NLGN1: variants seen among roughly 807,000 people sequenced by gnomAD.
NLGN1 encodes the protein neuroligin-1.
Under a neutral mutation model 65.5 loss-of-function variants are expected in NLGN1, and 12 were observed. The observed-to-expected ratio is 0.18, with a 90% CI of 0.12 to 0.30. The LOEUF is 0.30. Ranked by LOEUF, NLGN1 falls within the 10% of genes least tolerant of loss-of-function variation. The pLI is 1.00. For synonymous variants in NLGN1, 350 were observed against 359.5 expected (o/e 0.97, Z 0.30); for missense variants, 750 against 1,007.1 (o/e 0.74, Z 3.46).
chr3:173,451,107 A>G (rs1282837625), intron 2 of NLGN1, among the ~76,000 whole-genome samples: 1 of 152,042 alleles, frequency 6.6e-6, no homozygotes, highest in Non-Finnish European at 1.5e-5. Context: ...GCTGGTGAGG[A>G]GCTGCATTCC....
At chr3:173,554,929 CTTTTTTGTTTT>C (rs1741468419) in intron 2 of NLGN1, among the ~76,000 whole-genome samples, 1 of 152,042 alleles carries the variant, frequency 6.6e-6, no homozygotes, top group Non-Finnish European at 1.5e-5. Context: ...TATTTTTTGG[CTTTTTTGTTTT>C]AGCCCTTCTA....
rs1223350092 is a variant in NLGN1 at position 173,494,168 on chromosome 3, G to A, written c.-321+59090G>A. ...GTGTGTGCGCGTGCATGTGCGGGGAGTGGTGGTGGTGGTGTTTGGTTCTGT... is the reference window on the plus strand; with the variant it reads ...GTGTGTGCGCGTGCATGTGCGGGGAATGGTGGTGGTGGTGTTTGGTTCTGT... On this transcript the variant is annotated intron_variant, in intron 2 of 6. Transcript: ENST00000457714. Among the ~76,000 whole-genome samples, 3 of 150,354 alleles carry A rather than the reference G, an allele frequency of 2.0e-5. 1 individual carries two copies. Among genetic ancestry groups the A allele is most frequent in the African/African-American group, 7.4e-5 (3 of 40,656 alleles).
chr3:174,039,053 A>G (rs571963167), intron 4 of NLGN1, among the ~76,000 whole-genome samples: 20 of 152,264 alleles, frequency 1.3e-4, no homozygotes, highest in African/African-American at 4.1e-4. Flanking sequence ...TGAATATAAA[A>G]GCAATTCGCT....
chr3:173,665,570 A>G lies in NLGN1; in HGVS notation c.493+60479A>G, dbSNP rs187316920. Reference sequence around the variant, plus strand: ...TTTCTGCGGAAATGACAAGGTTTACATAATTGACATTGAGGAATCTCGCAT... The same window carrying G: ...TTTCTGCGGAAATGACAAGGTTTACGTAATTGACATTGAGGAATCTCGCAT... On this transcript the variant is annotated intron_variant, in intron 3 of 6. Transcript: ENST00000457714. Among the ~76,000 whole-genome samples, 20 of 152,316 alleles carry G rather than the reference A, an allele frequency of 1.3e-4. No homozygotes were observed. The East Asian group carries it at 2.7e-3, about 21-fold the overall frequency.
At chr3:174,270,107 A>T (rs1483525044) in intron 4 of NLGN1, among the ~76,000 whole-genome samples, 1 of 133,476 alleles carries the variant, frequency 7.5e-6, no homozygotes, top group African/African-American at 2.8e-5. Flanking sequence ...GTTTTCTCCC[A>T]TTCTGTTGGT....
chr3:173,661,048 T>C (rs1760852476), intron 3 of NLGN1, among the ~76,000 whole-genome samples: 1 of 152,078 alleles, frequency 6.6e-6, no homozygotes, highest in African/African-American at 2.4e-5. Flanking sequence ...TAGTGTCCAG[T>C]GAAGGGTGTG....
At chr3:173,724,974 T>C (rs540450636) in intron 3 of NLGN1, among the ~76,000 whole-genome samples, 117 of 152,058 alleles carry the variant, frequency 7.7e-4, no homozygotes, top group African/African-American at 2.5e-3. Flanking sequence ...TAGGTGGGAA[T>C]TGAACAATGA....
intron 3 of NLGN1, among the ~76,000 whole-genome samples, chr3:173,609,903 C>T (rs575691284): frequency 6.6e-6 from 1 of 151,812 alleles, no homozygotes; most frequent in South Asian, 2.1e-4. Context: ...GAGCAAAGAT[C>T]TGAAGGAGAT....
chr3:173,985,113 C>G (rs895674693), intron 4 of NLGN1, among the ~76,000 whole-genome samples: 4 of 152,204 alleles, frequency 2.6e-5, no homozygotes, highest in African/African-American at 9.7e-5. Flanking sequence ...GCTCTAGAAG[C>G]TCTGTAATCC....
intron 3 of NLGN1, among the ~76,000 whole-genome samples, chr3:173,749,541 C>T (rs963024606): frequency 3.3e-5 from 5 of 151,886 alleles, no homozygotes; most frequent in Admixed American, 6.6e-5. Context: ...TCAATCAAAC[C>T]GTAACTGTTA....
At chr3:174,115,765 A>G (rs1259349425) in intron 4 of NLGN1, among the ~76,000 whole-genome samples, 3 of 152,186 alleles carry the variant, frequency 2.0e-5, no homozygotes, top group Admixed American at 6.5e-5. Context: ...TTTGGACTAT[A>G]ATTTATCCTC....
chr3:173,800,307 A>C, intron 3 of NLGN1: 1 of 1,213,328 alleles, frequency 8.2e-7, no homozygotes, highest in Non-Finnish European at 1.1e-6. Context: ...CCTTACAAAG[A>C]AACAGACAGA....
At chr3:173,689,069 G>T (rs570659295) in intron 3 of NLGN1, among the ~76,000 whole-genome samples, 1 of 152,188 alleles carries the variant, frequency 6.6e-6, no homozygotes, top group Non-Finnish European at 1.5e-5. Context: ...CTTACTGGCT[G>T]CCTTGGTCCC....
intron 4 of NLGN1, among the ~76,000 whole-genome samples, chr3:173,969,005 A>AG (rs1715560282): frequency 6.6e-6 from 1 of 151,914 alleles, no homozygotes; most frequent in Non-Finnish European, 1.5e-5. Context: ...CCAGCCTAAA[A>AG]ACCATCTTTA....
At chr3:174,253,646 C>T (rs931200854) in intron 4 of NLGN1, among the ~76,000 whole-genome samples, 3 of 152,124 alleles carry the variant, frequency 2.0e-5, no homozygotes, top group Non-Finnish European at 4.4e-5. Flanking sequence ...AGACTTGTCA[C>T]CCGGACATGA....
chr3:173,735,441 A>C (rs1420677440), intron 3 of NLGN1, among the ~76,000 whole-genome samples: 1 of 152,174 alleles, frequency 6.6e-6, no homozygotes, highest in African/African-American at 2.4e-5. Context: ...CTCACATTTC[A>C]GACTGCTGCA....
intron 3 of NLGN1, among the ~76,000 whole-genome samples, chr3:173,638,467 A>T (rs1047858520): frequency 6.6e-6 from 1 of 151,972 alleles, no homozygotes; most frequent in Non-Finnish European, 1.5e-5. Context: ...AAAATTTAAG[A>T]TCATATTCTT....
chr3:174,033,804 A>ATTTT (rs1473212078), intron 4 of NLGN1, among the ~76,000 whole-genome samples: 307 of 152,288 alleles, frequency 2.0e-3, no homozygotes, highest in Non-Finnish European at 3.8e-3. Context: ...CCAAAAAATT[A>ATTTT]TATGACAATT....
intron 4 of NLGN1, among the ~76,000 whole-genome samples, chr3:174,269,062 CA>C (rs2152874231): frequency 6.6e-6 from 1 of 151,676 alleles, no homozygotes; most frequent in South Asian, 2.1e-4. Flanking sequence ...CAAGGGAACC[CA>C]ATAGCAAGGA....
Sources: gnomAD v4.1 joint callset for allele counts (sites outside exome capture counted in the v4.1 genomes callset) on GRCh38, gnomAD v4.1.1 for gene constraint, MANE v1.5 for transcripts, NCBI Gene and HGNC (gene_info 2026-07-23, HGNC 2026-07-21) for gene names.